Variants in SEMA3D observed in about 807,000 individuals in gnomAD.
SEMA3D encodes the protein semaphorin 3D.
SEMA3D carries 84 observed loss-of-function variants against 100.1 expected under a neutral mutation model. The observed-to-expected ratio is 0.84, with a 90% CI of 0.70 to 1.01. SEMA3D has a LOEUF of 1.01. Ranked by LOEUF, SEMA3D falls within the 50% of genes least tolerant of loss-of-function variation. SEMA3D has a pLI of 0.00. For synonymous variants in SEMA3D, 312 were observed against 320.7 expected, an observed-to-expected ratio of 0.97 and a Z score of 0.29; for missense variants, 875 against 934.1, an observed-to-expected ratio of 0.94 and a Z score of 0.82.
chr7:85,028,361 G>A (rs964554875), intron 12 of SEMA3D: 6 of 569,786 alleles, frequency 1.1e-5, no homozygotes, highest in African/African-American at 6.5e-5. Flanking sequence ...GCCAATTGTC[G>A]CTGCTATTGC....
intron 5 of SEMA3D, among the ~76,000 whole-genome samples, chr7:85,078,737 G>GTT (rs1787963261): frequency 6.6e-6 from 1 of 152,096 alleles, no homozygotes; most frequent in Non-Finnish European, 1.5e-5. Context: ...ACTTTCATTA[G>GTT]GGTAAATAAT....
intron 2 of SEMA3D, among the ~76,000 whole-genome samples, chr7:85,149,320 G>A (rs1209199998): frequency 2.6e-5 from 4 of 152,072 alleles, no homozygotes; most frequent in Non-Finnish European, 5.9e-5. Flanking sequence ...AGCCAGGCAT[G>A]GTGGCACGTG....
intron 2 of SEMA3D, chr7:85,140,625 T>C: frequency 3.2e-6 from 3 of 939,978 alleles, no homozygotes; most frequent in Non-Finnish European, 3.8e-6. Context: ...TATTATTTAC[T>C]CCCTATAATC....
At chr7:85,231,094 G>A in the SEMA3D span, among the ~76,000 whole-genome samples, 2 of 152,046 alleles carry the variant, frequency 1.3e-5, no homozygotes, top group Non-Finnish European at 2.9e-5. Flanking sequence ...CAGTGTGACT[G>A]TTTTTTGTTT....
chr7:85,114,084 C>A (rs1185495697), intron 3 of SEMA3D, among the ~76,000 whole-genome samples: 1 of 152,124 alleles, frequency 6.6e-6, no homozygotes, highest in African/African-American at 2.4e-5. Context: ...GCCAGCTGAT[C>A]TCAAGTCAAT....
chr7:85,157,417 G>A (rs1277982590), intron 1 of SEMA3D, among the ~76,000 whole-genome samples: 2 of 152,048 alleles, frequency 1.3e-5, no homozygotes, highest in Non-Finnish European at 2.9e-5. Context: ...GCTTTTATAA[G>A]TTGACAATTT....
intron 2 of SEMA3D, among the ~76,000 whole-genome samples, chr7:85,123,211 A>G (rs1445200576): frequency 6.6e-6 from 1 of 152,068 alleles, no homozygotes; most frequent in Non-Finnish European, 1.5e-5. Flanking sequence ...GCTTTGCATT[A>G]TGGTAGAATC....
chr7:85,120,145 T>C (rs1428795914), intron 3 of SEMA3D, among the ~76,000 whole-genome samples: 1 of 152,074 alleles, frequency 6.6e-6, no homozygotes, highest in African/African-American at 2.4e-5. Context: ...TATCTAAAAA[T>C]AGTTGCTTCA....
intron 3 of SEMA3D, among the ~76,000 whole-genome samples, chr7:85,108,158 AT>A (rs1788987088): frequency 2.0e-5 from 3 of 151,984 alleles, no homozygotes; most frequent in African/African-American, 7.2e-5. Context: ...TTGTCTATTT[AT>A]TTTGTCCCTT....
intron 7 of SEMA3D, among the ~76,000 whole-genome samples, chr7:85,067,623 C>T (rs1463742877): frequency 6.6e-6 from 1 of 152,076 alleles, no homozygotes; most frequent in Admixed American, 6.6e-5. Context: ...GACTTCAGAC[C>T]ACACAGTATT....
At chr7:85,166,296 C>T (rs1790902911) in intron 1 of SEMA3D, among the ~76,000 whole-genome samples, 1 of 151,782 alleles carries the variant, frequency 6.6e-6, no homozygotes, top group Admixed American at 6.6e-5. Flanking sequence ...AATACAATAT[C>T]CTAACTTGGT....
intron 2 of SEMA3D, 30 bp from the exon 3 acceptor site, chr7:85,121,961 T>G: frequency 8.9e-7 from 1 of 1,120,956 alleles, no homozygotes; most frequent in Non-Finnish European, 1.2e-6. Flanking sequence ...AAAAAACTAT[T>G]AAGGTATCAG....
At chr7:85,131,477 T>C (rs1197036549) in intron 2 of SEMA3D, among the ~76,000 whole-genome samples, 1 of 152,008 alleles carries the variant, frequency 6.6e-6, no homozygotes, top group East Asian at 1.9e-4. Context: ...CGATCAACAA[T>C]AACCTCATAT....
At chr7:85,206,368 T>C in the SEMA3D span, among the ~76,000 whole-genome samples, 3 of 152,110 alleles carry the variant, frequency 2.0e-5, no homozygotes, top group Non-Finnish European at 4.4e-5. Context: ...CTGAACATAT[T>C]AAAGGATGAA....
chr7:85,228,723 T>G, the SEMA3D span, among the ~76,000 whole-genome samples: 1 of 152,092 alleles, frequency 6.6e-6, no homozygotes, highest in Non-Finnish European at 1.5e-5. Flanking sequence ...TATGCCATCT[T>G]AAAACTGCTA....
chr7:85,086,461 A>C (rs1031407002), intron 4 of SEMA3D, among the ~76,000 whole-genome samples: 1 of 152,126 alleles, frequency 6.6e-6, no homozygotes, highest in African/African-American at 2.4e-5. Flanking sequence ...TCTTATTCTT[A>C]CATAGAATTG....
chr7:85,148,798 TGTG>T (rs1340530460), intron 2 of SEMA3D, among the ~76,000 whole-genome samples: 1 of 151,972 alleles, frequency 6.6e-6, no homozygotes, highest in Non-Finnish European at 1.5e-5. Flanking sequence ...GGTGTGTACA[TGTG>T]TGTGTGCATG....
intron 1 of SEMA3D, among the ~76,000 whole-genome samples, chr7:85,169,491 G>C (rs1309583462): frequency 6.6e-6 from 1 of 151,752 alleles, no homozygotes; most frequent in Non-Finnish European, 1.5e-5. Flanking sequence ...AGAGTACTTA[G>C]AACATTTTCA....
At position 84,997,863 on chromosome 7, in the gene SEMA3D, T is replaced by C. The variant is rs1789544882; in HGVS notation, c.*1577A>G. 1 of 152,240 alleles carries C rather than the reference T, an allele frequency of 6.6e-6. No homozygotes were observed. The highest frequency in any genetic ancestry group is 2.1e-4 in the South Asian group (1 of 4,826). The allele number at this position is 152,240 out of a possible 1,614,324, so 9.4% of individuals were successfully genotyped here. The stretch of plus-strand genomic sequence containing the variant: ...AAACAGAAGAAGGCTAAGGGTTCTG[T>C]GTTACAAGAAGGAAAGGTGAGTTCT... On this transcript the variant is annotated 3_prime_UTR_variant, in exon 19 of 19. Transcript: ENST00000284136.
Sources: allele counts gnomAD v4.1 joint callset (sites outside exome capture counted in the v4.1 genomes callset), GRCh38; gene constraint gnomAD v4.1.1; transcripts MANE v1.5; gene names NCBI Gene and HGNC (gene_info 2026-07-23, HGNC 2026-07-21).